Variants in SLC44A5 observed in about 807,000 individuals in gnomAD.
SLC44A5 encodes the protein choline transporter-like protein 5.
SLC44A5 carries 57 observed loss-of-function variants against 101.8 expected under a neutral mutation model. The observed-to-expected ratio is 0.56, with a 90% CI of 0.45 to 0.70. The LOEUF is 0.70. SLC44A5 is among the 30% of genes least tolerant of loss of function. The pLI is 0.00. For missense variants in SLC44A5, 737 were observed against 853.1 expected (o/e 0.86, Z 1.70); for synonymous variants, 281 against 290.9 (o/e 0.97, Z 0.35).
At chr1:75,507,712 C>T (rs1669347571) in intron 2 of SLC44A5, among the ~76,000 whole-genome samples, 2 of 152,092 alleles carry the variant, frequency 1.3e-5, no homozygotes, top group South Asian at 2.1e-4. Context: ...TTTTTTATGA[C>T]TGATTCCATT....
intron 2 of SLC44A5, among the ~76,000 whole-genome samples, chr1:75,469,639 C>T (rs566528358): frequency 6.6e-6 from 1 of 152,242 alleles, no homozygotes; most frequent in Non-Finnish European, 1.5e-5. Flanking sequence ...TAGAGTCAGA[C>T]TGAGCACAGT....
intron 2 of SLC44A5, among the ~76,000 whole-genome samples, chr1:75,513,081 G>T (rs551164141): frequency 6.6e-6 from 1 of 152,248 alleles, no homozygotes; most frequent in East Asian, 1.9e-4. Context: ...ATGTCATATG[G>T]TTAGTAAATA....
chr1:75,276,718 C>G lies in SLC44A5; in HGVS notation c.176-1676G>C, dbSNP rs187864145. 2.2e-3 allele frequency among the ~76,000 whole-genome samples: 329 copies of G among 152,268 alleles called. 1 individual carries two copies. Among genetic ancestry groups the G allele is most frequent in the African/African-American group, 7.6e-3 (315 of 41,548 alleles). On this transcript the variant is annotated intron_variant, in intron 5 of 23. Transcript: ENST00000370859. ...ATTTGGGTTTCCCCAAAAGCAAAAT[C>G]TAAGACAAGAGCTTTGATGCAGGTG...
chr1:75,479,540 T>C (rs1405080668), intron 2 of SLC44A5, among the ~76,000 whole-genome samples: 5 of 152,090 alleles, frequency 3.3e-5, no homozygotes, highest in African/African-American at 4.8e-5. Flanking sequence ...AAGAATCAAA[T>C]AGATGCAATA....
intron 2 of SLC44A5, among the ~76,000 whole-genome samples, chr1:75,524,227 A>G (rs1163911687): frequency 6.6e-6 from 1 of 152,120 alleles, no homozygotes; most frequent in Admixed American, 6.5e-5. Flanking sequence ...TTCTGCTGCC[A>G]TGTGAAGATG....
chr1:75,422,965 C>T (rs1664100508), intron 2 of SLC44A5, among the ~76,000 whole-genome samples: 1 of 152,044 alleles, frequency 6.6e-6, no homozygotes, highest in Non-Finnish European at 1.5e-5. Context: ...TAATTTGAAA[C>T]AAACAAACAA....
At chr1:75,483,554 G>C (rs1456559525) in intron 2 of SLC44A5, among the ~76,000 whole-genome samples, 2 of 152,050 alleles carry the variant, frequency 1.3e-5, no homozygotes, top group Admixed American at 6.5e-5. Flanking sequence ...TAGAGAAGTA[G>C]ATTTCCCCTT....
chr1:75,610,010 A>C (rs1444061009), intron 1 of SLC44A5, among the ~76,000 whole-genome samples: 2 of 151,968 alleles, frequency 1.3e-5, no homozygotes, highest in Non-Finnish European at 2.9e-5. Context: ...TGAAGGCTTG[A>C]CTTGGTTGCA....
intron 15 of SLC44A5, 127 bp downstream of exon 15, chr1:75,219,673 G>GA (rs1339082973): frequency 6.2e-6 from 4 of 641,804 alleles, no homozygotes; most frequent in Non-Finnish European, 8.2e-6. Context: ...TAGAGCTTGG[G>GA]AAAAAAATAG....
intron 2 of SLC44A5, among the ~76,000 whole-genome samples, chr1:75,409,685 TC>T (rs905758726): frequency 6.6e-6 from 1 of 152,048 alleles, no homozygotes; most frequent in Admixed American, 6.6e-5. Context: ...TATTGATATT[TC>T]AGGAAATAGC....
At position 75,218,517 on chromosome 1, in the gene SLC44A5, A is replaced by G. The variant is rs750135672; in HGVS notation, c.1502T>C (p.Leu501Pro). The G allele has an allele frequency of 1.9e-6, 3 of 1,613,790 alleles. No homozygotes were observed. In the Admixed American group the frequency reaches 5.0e-5, roughly 27 times the overall value. The change falls in exon 17 of 24, where the codon CTT becomes CCT. Residue 501 changes from leucine (L) to proline (P), a missense_variant. Leu to Pro is a moderately conservative substitution (Grantham distance 98). Coordinates refer to ENST00000370859, the MANE Select transcript of SLC44A5 (RefSeq NM_001130058.2). ...KKPDDIPRYP[L>P]FTAFGRAIRY... ...TATGGCTCGTCCAAATGCAGTAAAA[A>G]GTGGATATCGTGGGATGTCATCAGG...
intron 2 of SLC44A5, among the ~76,000 whole-genome samples, chr1:75,478,784 C>T (rs1317850518): frequency 1.3e-5 from 2 of 152,166 alleles, no homozygotes; most frequent in Non-Finnish European, 2.9e-5. Context: ...GAGATTTAGA[C>T]TCCCACACAA....
At chr1:75,420,755 ACT>A (rs1557767243) in intron 2 of SLC44A5, among the ~76,000 whole-genome samples, 2 of 152,070 alleles carry the variant, frequency 1.3e-5, no homozygotes, top group Non-Finnish European at 2.9e-5. Flanking sequence ...AATTACGATA[ACT>A]CAATAATTGT....
At chr1:75,251,081 C>T (rs1342338155) in intron 7 of SLC44A5, 129 bp downstream of exon 7, 13 of 701,378 alleles carry the variant, frequency 1.9e-5, no homozygotes, top group Admixed American at 2.9e-5. Context: ...ATCTTCCCAT[C>T]GTCTAGAAAT....
chr1:75,230,733 C>T (rs1464050487), intron 12 of SLC44A5, among the ~76,000 whole-genome samples: 1 of 152,146 alleles, frequency 6.6e-6, no homozygotes, highest in Non-Finnish European at 1.5e-5. Context: ...TCTCCCACCT[C>T]AGTCTCCCAA....
intron 2 of SLC44A5, among the ~76,000 whole-genome samples, chr1:75,398,177 A>T (rs1662246014): frequency 6.6e-6 from 1 of 152,162 alleles, no homozygotes; most frequent in African/African-American, 2.4e-5. Context: ...ATACATTTTT[A>T]AAAAACAACA....
chr1:75,220,017 CAGTT>C, intron 14 of SLC44A5, 125 bp from the exon 15 acceptor site: 1 of 535,770 alleles, frequency 1.9e-6, no homozygotes, highest in Admixed American at 4.0e-5. Flanking sequence ...GGCATATTCT[CAGTT>C]GGTTTTACAT....
chr1:75,266,162 C>T (rs972209436), intron 6 of SLC44A5, among the ~76,000 whole-genome samples: 9 of 152,024 alleles, frequency 5.9e-5, no homozygotes, highest in Non-Finnish European at 1.2e-4. Context: ...ACTTTAGGCT[C>T]GGTTATTAAG....
At chr1:75,439,756 A>G (rs1232043243) in intron 2 of SLC44A5, among the ~76,000 whole-genome samples, 1 of 152,188 alleles carries the variant, frequency 6.6e-6, no homozygotes, top group Admixed American at 6.6e-5. Context: ...GAAAGAGAAA[A>G]TGGAGAAAAG....
Sources: gnomAD v4.1 joint callset for allele counts (sites outside exome capture counted in the v4.1 genomes callset) on GRCh38, gnomAD v4.1.1 for gene constraint, MANE v1.5 for transcripts, NCBI Gene and HGNC (gene_info 2026-07-23, HGNC 2026-07-21) for gene names.